CCDC178: variants seen among roughly 807,000 people sequenced by gnomAD.
The protein encoded by CCDC178 is coiled-coil domain-containing protein 178.
A neutral mutation model predicts 117.4 loss-of-function variants in CCDC178; 126 were observed. That is an observed-to-expected ratio of 1.07 (90% CI 0.93 to 1.24). CCDC178 has a LOEUF of 1.24. Among genes scored for constraint, CCDC178 ranks in the 50% most tolerant of loss-of-function variants. CCDC178 has a pLI of 0.00. For missense variants in CCDC178, 1,030 were observed against 986.9 expected, an observed-to-expected ratio of 1.04 and a Z score of -0.59; for synonymous variants, 283 against 313.4, an observed-to-expected ratio of 0.90 and a Z score of 1.02.
chr18:33,377,821 A>G (rs1377321511), intron 5 of CCDC178, among the ~76,000 whole-genome samples: 2 of 152,172 alleles, frequency 1.3e-5, no homozygotes, highest in African/African-American at 4.8e-5. Flanking sequence ...CCATTTTTGT[A>G]CCAGGACCAT....
At chr18:33,253,650 C>T (rs949185690) in intron 14 of CCDC178, among the ~76,000 whole-genome samples, 5 of 151,828 alleles carry the variant, frequency 3.3e-5, no homozygotes, top group Admixed American at 6.6e-5. Context: ...TAAGTTAAAC[C>T]ATAAGCTTTT....
chr18:33,183,513 A>G (rs1283771467), intron 20 of CCDC178, among the ~76,000 whole-genome samples: 1 of 152,018 alleles, frequency 6.6e-6, no homozygotes, highest in Non-Finnish European at 1.5e-5. Flanking sequence ...ACTATAAAAA[A>G]TTGGCACGGT....
intron 2 of CCDC178, among the ~76,000 whole-genome samples, chr18:33,416,088 A>G (rs1444933891): frequency 6.6e-6 from 1 of 152,186 alleles, no homozygotes; most frequent in African/African-American, 2.4e-5. Flanking sequence ...GTAAGAGGGA[A>G]TGCATTTAGA....
rs1296248561 is a variant in CCDC178, at chr18:33,344,638, C to T, written c.658+1573G>A. On this transcript the variant is annotated intron_variant, in intron 9 of 22. Coordinates refer to ENST00000383096, the MANE Select transcript of CCDC178 (RefSeq NM_001105528.4). Reference sequence around the variant, plus strand: ...AGCAAACAATTAAATAAAACCTTCCCTCCATATTTTTTCTACTACTACTAA... The same window carrying T: ...AGCAAACAATTAAATAAAACCTTCCTTCCATATTTTTTCTACTACTACTAA... Among the ~76,000 whole-genome samples, 61 of 151,810 alleles carry T rather than the reference C, an allele frequency of 4.0e-4. 1 individual carries two copies. The highest frequency in any genetic ancestry group is 4.0e-3 in the Admixed American group (61 of 15,242).
intron 12 of CCDC178, among the ~76,000 whole-genome samples, chr18:33,289,894 C>T (rs1287278160): frequency 6.6e-6 from 1 of 152,116 alleles, no homozygotes; most frequent in Non-Finnish European, 1.5e-5. Context: ...GTATGCTTAA[C>T]ATCTGTCAAG....
intron 21 of CCDC178, among the ~76,000 whole-genome samples, chr18:32,976,777 A>C (rs1284558324): frequency 6.6e-6 from 1 of 152,120 alleles, no homozygotes; most frequent in Non-Finnish European, 1.5e-5. Context: ...TACTTGCTTA[A>C]AAAATAAAAT....
chr18:33,122,381 G>C (rs1299390263), intron 20 of CCDC178, among the ~76,000 whole-genome samples: 1 of 152,082 alleles, frequency 6.6e-6, no homozygotes, highest in Admixed American at 6.6e-5. Flanking sequence ...TGCACTTATA[G>C]AGAGACAGAA....
At chr18:33,088,727 A>T (rs2057419193) in intron 21 of CCDC178, among the ~76,000 whole-genome samples, 1 of 152,110 alleles carries the variant, frequency 6.6e-6, no homozygotes, top group African/African-American at 2.4e-5. Context: ...TGTCTCTGTA[A>T]TTCCTTCACA....
At chr18:33,418,715 C>T (rs939763192) in intron 2 of CCDC178, among the ~76,000 whole-genome samples, 5 of 152,052 alleles carry the variant, frequency 3.3e-5, no homozygotes, top group African/African-American at 7.2e-5. Context: ...AGCTGAATGC[C>T]AAGTCAAGAA....
chr18:33,416,368 G>A (rs528351124), intron 2 of CCDC178, among the ~76,000 whole-genome samples: 3 of 151,868 alleles, frequency 2.0e-5, no homozygotes, highest in East Asian at 3.9e-4. Flanking sequence ...CGGAGCTTGC[G>A]GTGAGCAGAG....
chr18:32,986,999 T>C (rs1358112520), intron 21 of CCDC178, among the ~76,000 whole-genome samples: 1 of 151,522 alleles, frequency 6.6e-6, no homozygotes, highest in Non-Finnish European at 1.5e-5. Flanking sequence ...GATATAGTGG[T>C]TTGGCCTTCA....
In CCDC178 at chr18:33,340,530, G is replaced by T. The variant is rs560979111; in HGVS notation, c.658+5681C>A. Among the ~76,000 whole-genome samples the T allele has an allele frequency of 7.2e-5, 11 of 152,304 alleles. No homozygotes were observed. In the East Asian group the frequency reaches 1.5e-3, roughly 21 times the overall value. ...CTCCAGCCATGTCAGACACCTTCAT[G>T]GCAGACCCTCCCATCACAAGCCTGG... On this transcript the variant is annotated intron_variant, in intron 9 of 22. Transcript: ENST00000383096.
intron 22 of CCDC178, among the ~76,000 whole-genome samples, chr18:32,953,344 T>C (rs1324483087): frequency 6.6e-6 from 1 of 152,168 alleles, no homozygotes; most frequent in Non-Finnish European, 1.5e-5. Context: ...ATTCAACAAG[T>C]CTCTAGGAAT....
At chr18:32,995,575 C>T (rs181519865) in intron 21 of CCDC178, among the ~76,000 whole-genome samples, 3 of 152,128 alleles carry the variant, frequency 2.0e-5, no homozygotes, top group South Asian at 2.1e-4. Flanking sequence ...GCTAAGCTGC[C>T]TCTATTTCTA....
At chr18:33,383,345 A>G (rs2063459303) in intron 5 of CCDC178, among the ~76,000 whole-genome samples, 1 of 152,052 alleles carries the variant, frequency 6.6e-6, no homozygotes, top group Non-Finnish European at 1.5e-5. Context: ...GATTCCCCCA[A>G]CATAATGCAC....
intron 20 of CCDC178, among the ~76,000 whole-genome samples, chr18:33,196,874 G>A (rs1211534849): frequency 6.6e-6 from 1 of 152,072 alleles, no homozygotes; most frequent in Non-Finnish European, 1.5e-5. Context: ...AGTGCCCCTT[G>A]TAAAGGTAAG....
chr18:33,263,032 G>A (rs1281562260), intron 14 of CCDC178, among the ~76,000 whole-genome samples: 1 of 152,090 alleles, frequency 6.6e-6, no homozygotes, highest in Non-Finnish European at 1.5e-5. Flanking sequence ...AGAAAAAGTA[G>A]AATTCAATAG....
chr18:33,060,544 CA>C (rs1567963331), intron 21 of CCDC178, among the ~76,000 whole-genome samples: 1 of 147,504 alleles, frequency 6.8e-6, no homozygotes, highest in East Asian at 1.9e-4. Flanking sequence ...ATTAAAATTA[CA>C]TTTTTTTTTT....
intron 20 of CCDC178, among the ~76,000 whole-genome samples, chr18:33,146,262 A>G (rs900733131): frequency 6.6e-6 from 1 of 152,232 alleles, no homozygotes; most frequent in African/African-American, 2.4e-5. Flanking sequence ...AAGATGATTC[A>G]GCAAAGAATA....
Sources: gnomAD v4.1 joint callset for allele counts (sites outside exome capture counted in the v4.1 genomes callset) on GRCh38, gnomAD v4.1.1 for gene constraint, MANE v1.5 for transcripts, NCBI Gene and HGNC (gene_info 2026-07-23, HGNC 2026-07-21) for gene names.